Variants in COL26A1 observed in about 807,000 individuals in gnomAD.
COL26A1 encodes collagen type XXVI alpha 1 chain, also known as collagen alpha-1(XXVI) chain.
A neutral mutation model predicts 59.3 loss-of-function variants in COL26A1; 41 were observed. That is an observed-to-expected ratio of 0.69 (90% confidence interval 0.54 to 0.90). The LOEUF is 0.90. COL26A1 is among the 40% of genes least tolerant of loss of function. The pLI is 0.00. For missense variants in COL26A1, 612 were observed against 602.3 expected (o/e 1.02, Z -0.17); for synonymous variants, 266 against 256.0 (o/e 1.04, Z -0.37).
At chr7:101,393,658 GCTGGTCTTGAA>G (rs1300613328) in intron 1 of COL26A1, among the ~76,000 whole-genome samples, 1 of 152,158 alleles carries the variant, frequency 6.6e-6, no homozygotes, top group Non-Finnish European at 1.5e-5. Context: ...TGTTGGCTGG[GCTGGTCTTGAA>G]CTCCTGACCT....
chr7:101,363,897 C>T (rs1338268347), intron 1 of COL26A1, among the ~76,000 whole-genome samples: 1 of 152,172 alleles, frequency 6.6e-6, no homozygotes, highest in East Asian at 1.9e-4. Context: ...CCGGGCACCC[C>T]TCTCCTATCA....
chr7:101,509,254 G>A (rs909249402), intron 3 of COL26A1, among the ~76,000 whole-genome samples: 9 of 151,960 alleles, frequency 5.9e-5, no homozygotes, highest in Non-Finnish European at 7.4e-5. Context: ...AGACCAGCCC[G>A]GCCAACATGA....
intron 2 of COL26A1, among the ~76,000 whole-genome samples, chr7:101,423,512 A>T (rs1486412182): frequency 6.6e-6 from 1 of 152,058 alleles, no homozygotes; most frequent in Non-Finnish European, 1.5e-5. Context: ...AGGTGGGTGG[A>T]TCACACGGTC....
chr7:101,447,427 AAGG>A (rs1464871857), intron 2 of COL26A1, among the ~76,000 whole-genome samples: 1 of 152,244 alleles, frequency 6.6e-6, no homozygotes, highest in African/African-American at 2.4e-5. Context: ...CCCAGGAATG[AAGG>A]AGGACAGCCT....
chr7:101,482,909 A>T (rs1794187038), intron 3 of COL26A1, among the ~76,000 whole-genome samples: 1 of 152,172 alleles, frequency 6.6e-6, no homozygotes. Context: ...GTGAGACAAG[A>T]TGGTGCCACT....
intron 3 of COL26A1, among the ~76,000 whole-genome samples, chr7:101,449,706 C>G (rs1362790492): frequency 6.6e-6 from 1 of 152,120 alleles, no homozygotes; most frequent in Non-Finnish European, 1.5e-5. Flanking sequence ...TGTGTATACA[C>G]ACACACATGT....
Position 101,539,002 on chromosome 7 carries a change from C to T in COL26A1, c.448-891C>T, listed in dbSNP as rs560532976. ...ACACAGCGCCCCCTGCTGGCCTCTT[C>T]GGGGGCAGCAGAGACTCACGGGGCC... On this transcript the variant is annotated intron_variant, in intron 4 of 12. Transcript: ENST00000313669. Among the ~76,000 whole-genome samples the T allele has an allele frequency of 2.2e-3, 336 of 152,324 alleles. 1 individual carries two copies. Among genetic ancestry groups the T allele is most frequent in the African/African-American group, 7.7e-3 (322 of 41,572 alleles).
At chr7:101,393,160 C>T (rs1013695748) in intron 1 of COL26A1, among the ~76,000 whole-genome samples, 10 of 151,978 alleles carry the variant, frequency 6.6e-5, no homozygotes, top group African/African-American at 2.4e-4. Flanking sequence ...TGCCACCATG[C>T]CCAGCTAATT....
chr7:101,549,228 G>C lies in COL26A1; in HGVS notation c.993+5G>C. 1 of 1,603,248 alleles carries C rather than the reference G, an allele frequency of 6.2e-7. No homozygotes were observed. The highest frequency in any genetic ancestry group is 8.5e-7 in the Non-Finnish European group (1 of 1,173,742). ...CCAGGAACACCTGGATCCCAGGTAA[G>C]GACTTTGCCATTTTAGGTAGGGTGT... is the stretch of plus-strand genomic sequence containing the variant. On this transcript the variant is annotated splice_donor_5th_base_variant and intron_variant, in intron 9 of 12. Transcript: ENST00000313669.
intron 3 of COL26A1, among the ~76,000 whole-genome samples, chr7:101,472,748 C>A (rs1793934730): frequency 6.6e-6 from 1 of 152,164 alleles, no homozygotes; most frequent in Admixed American, 6.5e-5. Flanking sequence ...CTTAGGAGCC[C>A]ATAAACACCG....
At chr7:101,483,000 T>C (rs17384795) in intron 3 of COL26A1, among the ~76,000 whole-genome samples, 60,042 of 151,872 alleles carry the variant, frequency 0.4, 12,442 homozygotes, top group Middle Eastern at 0.5. Flanking sequence ...ACAGAAGTTT[T>C]ACCATCTGGC....
intron 2 of COL26A1, among the ~76,000 whole-genome samples, chr7:101,435,747 C>T (rs1404007135): frequency 2.0e-5 from 3 of 152,146 alleles, no homozygotes; most frequent in Admixed American, 6.6e-5. Context: ...TTTCTTCGGC[C>T]GGGCTTCCCC....
chr7:101,526,494 C>G (rs972179716), intron 3 of COL26A1, among the ~76,000 whole-genome samples: 1 of 152,226 alleles, frequency 6.6e-6, no homozygotes, highest in Non-Finnish European at 1.5e-5. Context: ...ACAGGACCAT[C>G]CATGTGCCTT....
chr7:101,362,949 T>G lies in COL26A1; in HGVS notation c.-84T>G, dbSNP rs4989269. 717,627 of 1,382,640 alleles carry G rather than the reference T, an allele frequency of 0.52. 190,779 individuals carry two copies. Among genetic ancestry groups the G allele is most frequent in the African/African-American group, 0.81 (53,853 of 66,520 alleles). 85.6% of individuals were successfully genotyped at this position (1,382,640 alleles called of 1,614,324 possible). A position where few individuals can be genotyped will look rare whatever the true frequency, so the allele number is the denominator to read the frequency against. ...CTCCTCTCGCTGTGCTCCCGGCCGG[T>G]GCCGCGGGTTCGGTCCGGGCGCCGG... On this transcript the variant is annotated 5_prime_UTR_variant, in exon 1 of 13. Coordinates refer to ENST00000313669, the MANE Select transcript of COL26A1 (RefSeq NM_001278563.3).
chr7:101,505,298 G>A (rs1353409647), intron 3 of COL26A1, among the ~76,000 whole-genome samples: 1 of 152,004 alleles, frequency 6.6e-6, no homozygotes, highest in East Asian at 1.9e-4. Context: ...TGTGTTGTGT[G>A]TATGCATGAG....
At chr7:101,460,770 GACTCCATCTCAGGAAGAAAAA>G (rs1793591512) in intron 3 of COL26A1, among the ~76,000 whole-genome samples, 1 of 149,178 alleles carries the variant, frequency 6.7e-6, no homozygotes, top group Admixed American at 6.8e-5. Context: ...GATAGAGAGA[GACTCCATCTCAGGAAGAAAAA>G]AAAAAAAGAA....
At chr7:101,366,489 TTTTTTTTTTTTTTTTTTTTTTTTTTTTTA>T (rs1315366238) in intron 1 of COL26A1, among the ~76,000 whole-genome samples, 2 of 43,160 alleles carry the variant, frequency 4.6e-5, no homozygotes, top group East Asian at 9.1e-4. Context: ...TTTTTTTTTT[TTTTTTTTTTTTTTTTTTTTTTTTTTTTTA>T]AAGACAGGGT....
chr7:101,444,771 A>C (rs1298748602), intron 2 of COL26A1, among the ~76,000 whole-genome samples: 22 of 151,434 alleles, frequency 1.5e-4, no homozygotes, highest in Admixed American at 1.5e-3. Flanking sequence ...CTTTCCCCTC[A>C]CAGGTGGCCA....
At position 101,547,603 on chromosome 7, in the gene COL26A1, C is replaced by T. The variant is rs530112664; in HGVS notation, c.940+364C>T. 2.0e-5 allele frequency among the ~76,000 whole-genome samples: 3 copies of T among 152,350 alleles called. No individual in the cohort carries two copies. In the South Asian group the frequency reaches 6.2e-4, roughly 32 times the overall value. ...ACCAAGGGGTTCAAAGGGGCTGGGA[C>T]CTGGCTGTCAGTCCTGGCCTGACCT... On this transcript the variant is annotated intron_variant, in intron 8 of 12. Transcript: ENST00000313669.
Sources: allele counts gnomAD v4.1 joint callset (sites outside exome capture counted in the v4.1 genomes callset), GRCh38; gene constraint gnomAD v4.1.1; transcripts MANE v1.5; gene names NCBI Gene and HGNC (gene_info 2026-07-23, HGNC 2026-07-21).